The following MAST4 variants were observed in gnomAD, a reference collection of about 807,000 sequenced individuals.
MAST4 encodes the protein microtubule-associated serine/threonine-protein kinase 4.
Under a neutral mutation model 162.7 loss-of-function variants are expected in MAST4, and 89 were observed. The observed-to-expected ratio is 0.55, with a 90% confidence interval of 0.46 to 0.65. The LOEUF (loss-of-function observed/expected upper bound fraction) is 0.65. Ranked by LOEUF, MAST4 falls within the 30% of genes least tolerant of loss-of-function variation. The pLI, the probability that MAST4 is intolerant of heterozygous loss-of-function variation, is 0.00. For synonymous variants in MAST4, 1,479 were observed against 1,361.1 expected, an observed-to-expected ratio of 1.09 and a Z score of -1.91; for missense variants, 3,153 against 3,374.0, an observed-to-expected ratio of 0.93 and a Z score of 1.62.
chr5:66,630,092 G>GA (rs940387953), intron 1 of MAST4, among the ~76,000 whole-genome samples: 5 of 151,162 alleles, frequency 3.3e-5, no homozygotes, highest in Admixed American at 6.6e-5. Context: ...GAGGAACTTG[G>GA]AAAAAAAAAT....
chr5:66,699,696 T>C (rs34550370), intron 1 of MAST4, among the ~76,000 whole-genome samples: 19,692 of 143,676 alleles, frequency 0.14, 1,462 homozygotes, highest in East Asian at 0.28. Context: ...CACTCATAAG[T>C]GGGAGCTGAA....
rs993943614 is a variant in MAST4 at position 66,912,518 on chromosome 5, C to T, written c.674+12536C>T. 2.0e-4 allele frequency among the ~76,000 whole-genome samples: 31 copies of T among 152,242 alleles called. No individual in the cohort carries two copies. In the East Asian group the frequency reaches 4.1e-3, roughly 20 times the overall value. On this transcript the variant is annotated intron_variant, in intron 4 of 28. Transcript: ENST00000403625. ...TTTAAAATGCACTTGACATCATACACTGGAATGAAATTAATAGATCAGTAC... is the reference window on the plus strand; with the variant it reads ...TTTAAAATGCACTTGACATCATACATTGGAATGAAATTAATAGATCAGTAC...
intron 4 of MAST4, among the ~76,000 whole-genome samples, chr5:66,978,566 G>A (rs1166814421): frequency 6.6e-6 from 1 of 152,156 alleles, no homozygotes; most frequent in African/African-American, 2.4e-5. Flanking sequence ...ACAACCAGAG[G>A]CCATGAGAAT....
At chr5:67,078,886 TTA>T (rs1380344149) in intron 5 of MAST4, among the ~76,000 whole-genome samples, 1 of 76,426 alleles carries the variant, frequency 1.3e-5, no homozygotes, top group Non-Finnish European at 2.3e-5. Context: ...ATAAATATAT[TTA>T]TATATTTATA....
chr5:66,885,200 A>G (rs1431225692), intron 3 of MAST4, among the ~76,000 whole-genome samples: 1 of 152,120 alleles, frequency 6.6e-6, no homozygotes, highest in Non-Finnish European at 1.5e-5. Context: ...GCAGTGTGAT[A>G]TGGTGCATCA....
chr5:66,615,766 C>T (rs1743633557), intron 1 of MAST4, among the ~76,000 whole-genome samples: 1 of 152,070 alleles, frequency 6.6e-6, no homozygotes, highest in South Asian at 2.1e-4. Context: ...TGTGATAGCA[C>T]CACTGCACTG....
At chr5:67,057,023 T>A (rs1037629981) in intron 5 of MAST4, among the ~76,000 whole-genome samples, 32 of 152,252 alleles carry the variant, frequency 2.1e-4, no homozygotes, top group African/African-American at 6.7e-4. Context: ...TTTCTTTATG[T>A]TATGGAGCCA....
intron 1 of MAST4, among the ~76,000 whole-genome samples, chr5:66,750,751 G>C (rs1404785714): frequency 6.6e-6 from 1 of 151,886 alleles, no homozygotes; most frequent in African/African-American, 2.4e-5. Flanking sequence ...GCTTGCTTAG[G>C]TAAACAAAGC....
In MAST4 at chr5:67,166,062, C is replaced by G. The variant is rs576290256; in HGVS notation, c.6883C>G (p.Leu2295Val). The change falls in exon 29 of 29, where the codon CTG (leucine) becomes GTG (valine). Residue 2295 changes from leucine to valine, a missense_variant. This residue lies in a region of MAST4 where 1,644 missense variants were observed against 1,495.0 expected (regional missense o/e 1.10). Coordinates refer to ENST00000403625, the MANE Select transcript of MAST4 (RefSeq NM_001164664.2). ...ACAACCCACCAGTGGTGGGCGGCCC[C>G]TGGAGGTGCTGGAGAAGCCTGTGCA... is the stretch of plus-strand genomic sequence containing the variant. ...KPQPTSGGRP[L>V]EVLEKPVHLP... is the part of the protein sequence containing the mutation. 3.7e-6 allele frequency: 6 copies of G among 1,613,654 alleles called. No homozygotes were observed. In the East Asian group the frequency reaches 1.3e-4, roughly 36 times the overall value.
At chr5:66,782,627 T>C (rs1410038500) in intron 2 of MAST4, among the ~76,000 whole-genome samples, 1 of 152,234 alleles carries the variant, frequency 6.6e-6, no homozygotes, top group Non-Finnish European at 1.5e-5. Context: ...AAACATTTGA[T>C]ACATGTTTCA....
At chr5:67,006,449 A>T (rs1466338412) in intron 4 of MAST4, among the ~76,000 whole-genome samples, 1 of 152,236 alleles carries the variant, frequency 6.6e-6, no homozygotes, top group East Asian at 1.9e-4. Flanking sequence ...TTGAAGAGAG[A>T]TACATGCTAC....
intron 1 of MAST4, among the ~76,000 whole-genome samples, chr5:66,633,180 G>C (rs1034392408): frequency 6.6e-6 from 1 of 152,256 alleles, no homozygotes; most frequent in East Asian, 1.9e-4. Context: ...TTGCCCCTTT[G>C]CCCTTGTGTC....
chr5:66,736,975 A>G (rs1395752172), intron 1 of MAST4, among the ~76,000 whole-genome samples: 1 of 152,240 alleles, frequency 6.6e-6, no homozygotes, highest in East Asian at 1.9e-4. Flanking sequence ...CATTCTGTAA[A>G]GTCACTATGA....
intron 4 of MAST4, among the ~76,000 whole-genome samples, chr5:66,937,163 G>GT (rs1393018579): frequency 5.9e-5 from 9 of 152,166 alleles, no homozygotes; most frequent in African/African-American, 2.2e-4. Context: ...AGCCCCTACT[G>GT]TATGTCAAGC....
chr5:66,905,172 A>G (rs1763265762), intron 4 of MAST4, among the ~76,000 whole-genome samples: 1 of 151,956 alleles, frequency 6.6e-6, no homozygotes, highest in African/African-American at 2.4e-5. Flanking sequence ...CCAGGCTTGG[A>G]GGCGCATGCC....
At chr5:66,747,184 G>A (rs1043635027) in intron 1 of MAST4, among the ~76,000 whole-genome samples, 11 of 151,820 alleles carry the variant, frequency 7.2e-5, no homozygotes, top group African/African-American at 1.5e-4. Context: ...TGACAGTCAC[G>A]AGATAGCAGT....
At chr5:66,643,456 AATT>A (rs1005954130) in intron 1 of MAST4, among the ~76,000 whole-genome samples, 2 of 60,096 alleles carry the variant, frequency 3.3e-5, no homozygotes, top group African/African-American at 3.9e-4. Flanking sequence ...TAGCAAAAAG[AATT>A]AAAAGAGCCA....
chr5:66,765,822 CATTAG>C (rs1019508053), intron 2 of MAST4, among the ~76,000 whole-genome samples: 7 of 152,106 alleles, frequency 4.6e-5, no homozygotes, highest in African/African-American at 1.4e-4. Flanking sequence ...TCACTAAGGG[CATTAG>C]ATTAAAGACG....
chr5:66,853,794 T>C (rs1759481024), intron 3 of MAST4, among the ~76,000 whole-genome samples: 1 of 152,230 alleles, frequency 6.6e-6, no homozygotes, highest in South Asian at 2.1e-4. Flanking sequence ...GAAATCAGAA[T>C]TCTTTTCTAA....
Sources: gnomAD v4.1 joint callset for allele counts (sites outside exome capture counted in the v4.1 genomes callset) on GRCh38, gnomAD v4.1.1 for gene constraint, gnomAD v4.1.1 regional missense constraint, MANE v1.5 for transcripts, NCBI Gene and HGNC (gene_info 2026-07-23, HGNC 2026-07-21) for gene names.